The following GRHL3 variants were observed in gnomAD, a reference collection of about 807,000 sequenced individuals.
GRHL3 encodes the protein grainyhead-like protein 3 homolog.
A neutral mutation model predicts 70.3 loss-of-function variants in GRHL3; 20 were observed. That is an observed-to-expected ratio of 0.28 (90% confidence interval 0.20 to 0.41). GRHL3 has a LOEUF of 0.41. Among genes scored for constraint, GRHL3 ranks in the 10% least tolerant of loss-of-function variants. The probability of loss-of-function intolerance (pLI) is 1.00; values close to 1 mark genes in which losing one functional copy is unlikely to be tolerated. For missense variants in GRHL3, 637 were observed against 762.3 expected (o/e 0.84, Z 1.94); for synonymous variants, 299 against 299.9 (o/e 1.00, Z 0.03).
intron 12 of GRHL3, among the ~76,000 whole-genome samples, chr1:24,345,266 A>C (rs1024177583): frequency 1.2e-5 from 1 of 82,866 alleles, no homozygotes; most frequent in Non-Finnish European, 2.4e-5. Context: ...TGCCCCCTCC[A>C]CACCTGTGCC....
intron 15 of GRHL3, among the ~76,000 whole-genome samples, chr1:24,363,200 C>T (rs936570424): frequency 5.9e-5 from 9 of 152,214 alleles, no homozygotes; most frequent in African/African-American, 1.9e-4. Flanking sequence ...GGCTGGAGCA[C>T]GCTGAGTTAA....
intron 15 of GRHL3, chr1:24,364,062 G>A: frequency 7.4e-7 from 1 of 1,348,686 alleles, no homozygotes; most frequent in Non-Finnish European, 9.6e-7. Flanking sequence ...TTACCTTCCA[G>A]AAACACCCAA....
Position 24,342,606 on chromosome 1 carries a change from G to T in GRHL3, c.1207-88G>T. ...TGGAAAAAAGAAGGACCAGAAGCTT[G>T]GCCCATATTTAAGATGCAAAGCAGC... On this transcript the variant is annotated intron_variant, in intron 9 of 15. Coordinates refer to ENST00000361548, the MANE Select transcript of GRHL3 (RefSeq NM_198173.3). The surrounding 1 kb of genome is among the most constrained non-coding windows in gnomAD (Gnocchi z 4.8). 8.4e-7 allele frequency: 1 copy of T among 1,187,816 alleles called. No homozygotes were observed. Among genetic ancestry groups the T allele is most frequent in the African/African-American group, 1.5e-5 (1 of 66,648 alleles). 73.6% of individuals were successfully genotyped at this position (1,187,816 alleles called of 1,614,324 possible). A position where few individuals can be genotyped will look rare whatever the true frequency, so the allele number is the denominator to read the frequency against.
At chr1:24,337,949 C>G (rs1156340156) in intron 6 of GRHL3, 43 bp from the exon 7 acceptor site, 1 of 1,552,276 alleles carries the variant, frequency 6.4e-7, no homozygotes, top group African/African-American at 1.4e-5. Context: ...GAACCAGGCT[C>G]TAGGAAGAGG....
intron 8 of GRHL3, 23 bp downstream of exon 8, chr1:24,339,785 G>GA: frequency 6.5e-7 from 1 of 1,531,200 alleles, no homozygotes; most frequent in Non-Finnish European, 9.0e-7. Flanking sequence ...GGCAGTGGCT[G>GA]GGATGGGACT....
At chr1:24,330,831 T>C (rs1639575971) in intron 1 of GRHL3, among the ~76,000 whole-genome samples, 1 of 152,202 alleles carries the variant, frequency 6.6e-6, no homozygotes, top group African/African-American at 2.4e-5. Context: ...AGCCTTCAAC[T>C]CCAGTTCCTG....
chr1:24,327,183 A>G lies in GRHL3; in HGVS notation c.18-4243A>G, dbSNP rs141170621. On this transcript the variant is annotated intron_variant, in intron 1 of 15. Transcript: ENST00000361548. Reference sequence around the variant, plus strand: ...CTTAATTCTCCTAACAACCCATGAGATGAACCCTACTGTAAAGTAGCCACC... The same window carrying G: ...CTTAATTCTCCTAACAACCCATGAGGTGAACCCTACTGTAAAGTAGCCACC... Among the ~76,000 whole-genome samples the G allele has an allele frequency of 2.0e-5, 3 of 152,324 alleles. No homozygotes were observed. The East Asian group carries it at 5.8e-4, about 29-fold the overall frequency.
chr1:24,345,469 A>C (rs1640240644), intron 12 of GRHL3, among the ~76,000 whole-genome samples: 1 of 151,378 alleles, frequency 6.6e-6, no homozygotes, highest in Non-Finnish European at 1.5e-5. Flanking sequence ...CTTCTTTCTC[A>C]CTGAAACTGC....
At chr1:24,346,366 C>G (rs1425996642) in intron 12 of GRHL3, among the ~76,000 whole-genome samples, 187 bp from the exon 13 acceptor site, 2 of 152,212 alleles carry the variant, frequency 1.3e-5, no homozygotes, top group Non-Finnish European at 2.9e-5. Flanking sequence ...TAGTGCGTGG[C>G]AGGGCTGGGA....
rs568045714 is a variant in GRHL3, at chr1:24,324,994, G to A, written c.17+5426G>A. Among the ~76,000 whole-genome samples, 169 of 152,272 alleles carry A rather than the reference G, an allele frequency of 1.1e-3. 1 individual carries two copies. Among genetic ancestry groups the A allele is most frequent in the African/African-American group, 3.9e-3 (161 of 41,544 alleles). ...CTGGCAGGCACGAGAACCCTGGGGC[G>A]CCCCTGTCGTGCCCAGGGAACATCG... On this transcript the variant is annotated intron_variant, in intron 1 of 15. Coordinates refer to ENST00000361548, the MANE Select transcript of GRHL3 (RefSeq NM_198173.3).
At chr1:24,340,454 T>C (rs1263299680) in intron 8 of GRHL3, among the ~76,000 whole-genome samples, 1 of 152,236 alleles carries the variant, frequency 6.6e-6, no homozygotes, top group Non-Finnish European at 1.5e-5. Context: ...ATTAAGATTC[T>C]TCCAGCCTTA....
At position 24,354,450 on chromosome 1, in the gene GRHL3, C is replaced by A. The variant is rs757925044; in HGVS notation, c.1771C>A (p.Leu591Met). ...CGCCTTCCTGCTGGACATGGGGGAGCTGGACGGCAAAATTCAGATCATCCT... is the reference window on the plus strand; with the variant it reads ...CGCCTTCCTGCTGGACATGGGGGAGATGGACGGCAAAATTCAGATCATCCT... ...HVAFLLDMGE[L>M]DGKIQIILKE... The change falls in exon 16 of 16, where the codon CTG (leucine) becomes ATG (methionine). Residue 591 changes from leucine (L) to methionine (M), a missense_variant. Coordinates refer to ENST00000361548, the MANE Select transcript of GRHL3 (RefSeq NM_198173.3). The A allele has an allele frequency of 1.2e-6, 2 of 1,613,774 alleles. No individual in the cohort carries two copies. The highest frequency in any genetic ancestry group is 2.7e-5 in the African/African-American group (2 of 74,902).
chr1:24,335,014 AACACACACACACACAC>A (rs35646472), intron 3 of GRHL3, among the ~76,000 whole-genome samples: 62 of 137,044 alleles, frequency 4.5e-4, no homozygotes, highest in African/African-American at 6.1e-4. Context: ...TCAGCTTGAA[AACACACACACACACAC>A]ACACACACAC....
chr1:24,336,422 C>T, intron 3 of GRHL3, 60 bp from the exon 4 acceptor site: 1 of 1,185,614 alleles, frequency 8.4e-7, no homozygotes, highest in Non-Finnish European at 1.2e-6. Flanking sequence ...TGCACTCTAG[C>T]CAAAGACCCC....
intron 4 of GRHL3, 97 bp downstream of exon 4, chr1:24,336,924 G>A: frequency 1.6e-6 from 2 of 1,265,722 alleles, no homozygotes; most frequent in Non-Finnish European, 2.2e-6. Flanking sequence ...GGAATCCATG[G>A]GGGAAAGCAT....
At position 24,338,103 on chromosome 1, in the gene GRHL3, G is replaced by T; in HGVS notation, c.952G>T (p.Ala318Ser). The change falls in exon 7 of 16, where the codon GCT becomes TCT. Residue 318 changes from alanine (A) to serine (S), a missense_variant and splice_region_variant. Ala to Ser is a moderately conservative substitution (Grantham distance 99). Coordinates refer to ENST00000361548, the MANE Select transcript of GRHL3 (RefSeq NM_198173.3). ...PTAKQRVIDV[A>S]DCKENFNTVE... ...TGCCAAGCAGCGGGTCATTGACGTG[G>T]GTGAGAGCCTTCTCAAGCCTCCATT... The T allele has an allele frequency of 6.3e-7, 1 of 1,595,282 alleles. No individual in the cohort carries two copies. Among genetic ancestry groups the T allele is most frequent in the Non-Finnish European group, 8.5e-7 (1 of 1,169,616 alleles).
At chr1:24,325,863 C>T (rs1420669877) in intron 1 of GRHL3, among the ~76,000 whole-genome samples, 1 of 152,214 alleles carries the variant, frequency 6.6e-6, no homozygotes, top group African/African-American at 2.4e-5. Context: ...CTGCTCTCTC[C>T]TAAATGGAGG....
At chr1:24,348,363 C>T (rs1367681222) in intron 14 of GRHL3, among the ~76,000 whole-genome samples, 2 of 152,150 alleles carry the variant, frequency 1.3e-5, no homozygotes, top group African/African-American at 2.4e-5. Context: ...AGGTGACTTG[C>T]CAGGGTTACT....
rs1192794276 is a variant in GRHL3 at position 24,319,644 on chromosome 1, G to A, written c.17+76G>A. 2.7e-5 allele frequency: 44 copies of A among 1,611,538 alleles called. No individual in the cohort carries two copies. The Admixed American group carries it at 4.8e-4, about 18-fold the overall frequency. ...TGGGGTTTCCTGGAGGGGGAAGAGC[G>A]GGGAGGCCGGCACCGGGATTCACAG... On this transcript the variant is annotated intron_variant, in intron 1 of 15. Coordinates refer to ENST00000361548, the MANE Select transcript of GRHL3 (RefSeq NM_198173.3).
Sources: allele counts gnomAD v4.1 joint callset (sites outside exome capture counted in the v4.1 genomes callset), GRCh38; gene constraint gnomAD v4.1.1; non-coding constraint Gnocchi (gnomAD v3.1); transcripts MANE v1.5; gene names NCBI Gene and HGNC (gene_info 2026-07-23, HGNC 2026-07-21).